Variants in NFKB1 observed in about 807,000 individuals in gnomAD.
NFKB1 encodes the protein nuclear factor kappa B subunit 1.
In NFKB1, 9 loss-of-function variants were observed where a neutral mutation model predicts 105.1. The ratio of observed to expected loss-of-function variants is 0.09; its 90% CI spans 0.05 to 0.15. The LOEUF is 0.15. Among genes scored for constraint, NFKB1 ranks in the 10% least tolerant of loss-of-function variants. The probability of loss-of-function intolerance (pLI) is 1.00; values close to 1 mark genes in which losing one functional copy is unlikely to be tolerated. For synonymous variants in NFKB1, 440 were observed against 442.2 expected (o/e 1.00, Z 0.06); for missense variants, 830 against 1,203.7 (o/e 0.69, Z 4.59).
At chr4:102,515,014 A>G (rs1031111828) in intron 1 of NFKB1, among the ~76,000 whole-genome samples, 2 of 151,572 alleles carry the variant, frequency 1.3e-5, no homozygotes, top group African/African-American at 2.4e-5. Flanking sequence ...TGAAAAGCGT[A>G]TACTTTAATC....
intron 11 of NFKB1, among the ~76,000 whole-genome samples, chr4:102,592,234 A>C (rs1477113626): frequency 1.3e-5 from 2 of 152,240 alleles, no homozygotes; most frequent in African/African-American, 4.8e-5. Flanking sequence ...AATTTAGAAT[A>C]TTCCATAAAC....
chr4:102,607,322 G>C lies in NFKB1; in HGVS notation c.2124+3G>C. On this transcript the variant is annotated splice_donor_region_variant and intron_variant, in intron 18 of 23. Transcript: ENST00000226574. ...TGGCAGGCTGCCTGCTCCTGGAGGT[G>C]AAGGGCACACTTATTTGCTTTTGCA... 1 of 1,610,644 alleles carries C rather than the reference G, an allele frequency of 6.2e-7. No homozygotes were observed. Among genetic ancestry groups the C allele is most frequent in the Non-Finnish European group, 8.5e-7 (1 of 1,177,476 alleles).
chr4:102,552,774 T>G (rs1171794407), intron 5 of NFKB1, among the ~76,000 whole-genome samples: 1 of 151,462 alleles, frequency 6.6e-6, no homozygotes, highest in Admixed American at 6.6e-5. Flanking sequence ...CATAAAAGGG[T>G]TTTTTTTGCA....
At chr4:102,612,407 A>G in intron 21 of NFKB1, 27 bp from the exon 22 acceptor site, 2 of 1,607,206 alleles carry the variant, frequency 1.2e-6, no homozygotes, top group Non-Finnish European at 1.7e-6. Flanking sequence ...TGTTAGAACA[A>G]GTGTGTTCCT....
intron 11 of NFKB1, among the ~76,000 whole-genome samples, chr4:102,587,446 A>G (rs1357229475): frequency 6.6e-6 from 1 of 152,056 alleles, no homozygotes; most frequent in East Asian, 1.9e-4. Context: ...AGAAACATTC[A>G]AAGCTCAGCT....
chr4:102,511,004 G>A (rs1739741751), intron 1 of NFKB1: 1 of 1,223,634 alleles, frequency 8.2e-7, no homozygotes, highest in African/African-American at 1.6e-5. Context: ...AGCAGGATTG[G>A]AGATGAGGAG....
Position 102,529,751 on chromosome 4 carries a change from T to TG in NFKB1, c.40-85_40-84insG, listed in dbSNP as rs1190688174. ...TTTGGCTTTAGTTTCATTCCTATTA[T>TG]TACATTTTAGGTGTCCCAACTTCAA... On this transcript the variant is annotated intron_variant, in intron 2 of 23. Transcript: ENST00000226574. The TG allele has an allele frequency of 1.9e-5, 18 of 950,654 alleles. No homozygotes were observed. In the African/African-American group the frequency reaches 2.5e-4, roughly 13 times the overall value. The allele number at this position is 950,654 out of a possible 1,614,324, so 58.9% of individuals were successfully genotyped here.
chr4:102,564,879 C>T (rs1389662256), intron 5 of NFKB1, among the ~76,000 whole-genome samples: 1 of 152,212 alleles, frequency 6.6e-6, no homozygotes, highest in Non-Finnish European at 1.5e-5. Flanking sequence ...AGTGTAATTA[C>T]ATGGTTTATT....
intron 3 of NFKB1, among the ~76,000 whole-genome samples, chr4:102,531,674 A>G (rs1395435506): frequency 6.6e-6 from 1 of 152,208 alleles, no homozygotes; most frequent in Non-Finnish European, 1.5e-5. Flanking sequence ...TAAAACAACA[A>G]ATACATGCAT....
Position 102,584,950 on chromosome 4 carries a change from T to A in NFKB1, c.1066+130T>A, listed in dbSNP as rs1332241580. The A allele has an allele frequency of 2.3e-5, 18 of 775,790 alleles. No homozygotes were observed. The Middle Eastern group carries it at 1.2e-3, about 52-fold the overall frequency. The allele number at this position is 775,790 out of a possible 1,614,324, so 48.1% of individuals were successfully genotyped here. On this transcript the variant is annotated intron_variant, in intron 11 of 23. Transcript: ENST00000226574. ...AGGCTGGAGTGCAATGGTGCAATCA[T>A]AGCTCACTGCAACTTCGAACTCCTG...
At chr4:102,561,278 T>TG (rs1166375899) in intron 5 of NFKB1, among the ~76,000 whole-genome samples, 93 of 103,880 alleles carry the variant, frequency 9.0e-4, no homozygotes, top group African/African-American at 4.0e-3. Flanking sequence ...TTTTTTTTTT[T>TG]TTTTGTGTGT....
chr4:102,584,184 C>A (rs1725535227), intron 10 of NFKB1, among the ~76,000 whole-genome samples: 1 of 152,074 alleles, frequency 6.6e-6, no homozygotes, highest in Non-Finnish European at 1.5e-5. Flanking sequence ...AAAAATCAAA[C>A]TGAAAAATGC....
At chr4:102,554,356 GA>G (rs555553900) in intron 5 of NFKB1, among the ~76,000 whole-genome samples, 1 of 152,108 alleles carries the variant, frequency 6.6e-6, no homozygotes, top group South Asian at 2.1e-4. Flanking sequence ...CCACATTTGG[GA>G]AAAGATGTGC....
In NFKB1 at chr4:102,577,001, A is replaced by G. The variant is rs765087404; in HGVS notation, c.533A>G (p.Tyr178Cys). The G allele has an allele frequency of 4.3e-6, 7 of 1,613,162 alleles. 1 individual carries two copies. The South Asian group carries it at 6.6e-5, about 15-fold the overall frequency. Reference sequence around the variant, plus strand: ...CTCTTGGTGCACCCTGACCTTGCCTATTTGCAAGCAGAAGGTGGAGGGGAC... The same window carrying G: ...CTCTTGGTGCACCCTGACCTTGCCTGTTTGCAAGCAGAAGGTGGAGGGGAC... ...PGLLVHPDLAYLQAEGGGDRQ... is the reference protein window; with the variant it reads ...PGLLVHPDLACLQAEGGGDRQ... Residue 178 changes from tyrosine (Y) to cysteine (C), a missense_variant, in exon 7 of 24, where the codon TAT becomes TGT. By Grantham distance (194) the Tyr-to-Cys change is radical. Transcript: ENST00000226574.
chr4:102,577,739 C>T, intron 7 of NFKB1: 1 of 792,812 alleles, frequency 1.3e-6, no homozygotes. Flanking sequence ...ACCTTCCCAT[C>T]CTCACTGACT....
intron 5 of NFKB1, among the ~76,000 whole-genome samples, chr4:102,546,205 T>A (rs908005736): frequency 2.0e-5 from 3 of 152,186 alleles, no homozygotes; most frequent in Non-Finnish European, 4.4e-5. Context: ...TAGATGTATC[T>A]TTAGCTTTAT....
chr4:102,567,265 A>G (rs1284131530), intron 6 of NFKB1, 130 bp downstream of exon 6: 28 of 963,772 alleles, frequency 2.9e-5, no homozygotes, highest in Non-Finnish European at 3.7e-5. Context: ...AAAACTGTGT[A>G]AACTTGTGCT....
chr4:102,512,288 T>C (rs1410321537), intron 1 of NFKB1, among the ~76,000 whole-genome samples: 1 of 152,206 alleles, frequency 6.6e-6, no homozygotes, highest in African/African-American at 2.4e-5. Context: ...AGAGGTATAG[T>C]TCACCTATTT....
At chr4:102,528,376 G>A (rs1486590991) in intron 2 of NFKB1, among the ~76,000 whole-genome samples, 1 of 152,136 alleles carries the variant, frequency 6.6e-6, no homozygotes, top group Non-Finnish European at 1.5e-5. Flanking sequence ...AAGCATTGAA[G>A]TGAAGCGCAT....
Sources: allele counts gnomAD v4.1 joint callset (sites outside exome capture counted in the v4.1 genomes callset), GRCh38; gene constraint gnomAD v4.1.1; transcripts MANE v1.5; gene names NCBI Gene and HGNC (gene_info 2026-07-23, HGNC 2026-07-21).